COL9A1: variants seen among roughly 807,000 people sequenced by gnomAD.
COL9A1 encodes the protein collagen alpha-1(IX) chain.
A neutral mutation model predicts 142.6 loss-of-function variants in COL9A1; 104 were observed. The ratio of observed to expected loss-of-function variants is 0.73; its 90% CI spans 0.62 to 0.86. The LOEUF is 0.86. Among genes scored for constraint, COL9A1 ranks in the 40% least tolerant of loss-of-function variants. COL9A1 has a pLI of 0.00. For missense variants in COL9A1, 1,210 were observed against 1,176.6 expected, an observed-to-expected ratio of 1.03 and a Z score of -0.42; for synonymous variants, 466 against 396.0, an observed-to-expected ratio of 1.18 and a Z score of -2.10.
chr6:70,255,393 G>A lies in COL9A1; in HGVS notation c.1504-3C>T, dbSNP rs533952787. On this transcript the variant is annotated splice_polypyrimidine_tract_variant and splice_region_variant and intron_variant, in intron 21 of 37. Transcript: ENST00000357250. The stretch of plus-strand genomic sequence containing the variant: ...GGTCCTCGCTGTCCTTGATCACCCT[G>A]TATGAAAATAAAATTTTGTTAATAC... 2.4e-5 allele frequency: 39 copies of A among 1,613,854 alleles called. No homozygotes were observed. The South Asian group carries it at 2.7e-4, about 11-fold the overall frequency.
rs747511400 is a variant in COL9A1 at position 70,281,002 on chromosome 6, A to ACCGGGGGGC, written c.905_912+1dup. 27 of 1,613,504 alleles carry ACCGGGGGGC rather than the reference A, an allele frequency of 1.7e-5. No homozygotes were observed. Among genetic ancestry groups the ACCGGGGGGC allele is most frequent in the Admixed American group, 3.3e-5 (2 of 59,990 alleles). ...GAGCGCCATATGCTCCAATCAACTT[A>ACCGGGGGGC]CCGGGGGGCCCGGGGGGCCCTTAGG... On this transcript the variant is annotated splice_donor_variant, in intron 9 of 37. Transcript: ENST00000357250. LOFTEE classifies it high-confidence loss of function.
At chr6:70,278,643 T>C (rs1286386444) in intron 10 of COL9A1, among the ~76,000 whole-genome samples, 1 of 152,230 alleles carries the variant, frequency 6.6e-6, no homozygotes, top group African/African-American at 2.4e-5. Context: ...GTGCTCATCA[T>C]TTTTTCCTTG....
intron 20 of COL9A1, among the ~76,000 whole-genome samples, chr6:70,259,616 A>AATGCCACATCCTTCTT (rs1205314331): frequency 2.0e-5 from 3 of 152,058 alleles, no homozygotes; most frequent in Non-Finnish European, 4.4e-5. Flanking sequence ...ACATCCTTCT[A>AATGCCACATCCTTCTT]ATGCCACCTC....
At chr6:70,242,458 A>G (rs1770322566) in intron 29 of COL9A1, among the ~76,000 whole-genome samples, 1 of 152,232 alleles carries the variant, frequency 6.6e-6, no homozygotes, top group Non-Finnish European at 1.5e-5. Flanking sequence ...TTAAAAATGG[A>G]TGCTACAAAC....
At chr6:70,277,111 A>T (rs1380473082) in intron 10 of COL9A1, among the ~76,000 whole-genome samples, 2 of 152,176 alleles carry the variant, frequency 1.3e-5, no homozygotes, top group African/African-American at 4.8e-5. Flanking sequence ...CTGCCTGTAA[A>T]AATTATCACA....
In COL9A1 at chr6:70,294,260, A is replaced by G; in HGVS notation, c.603T>C (p.Ile201=). 6.2e-7 allele frequency: 1 copy of G among 1,614,102 alleles called. No homozygotes were observed. Among genetic ancestry groups the G allele is most frequent in the Non-Finnish European group, 8.5e-7 (1 of 1,179,960 alleles). The change falls in exon 5 of 38, where the codon ATT becomes ATC. Residue 201 remains isoleucine, a synonymous_variant. Coordinates refer to ENST00000357250, the MANE Select transcript of COL9A1 (RefSeq NM_001851.6). ...SATLFVDCNR[I]ESLPIKPRGP... is the part of the protein sequence containing the mutation. ...CTCTTGGCTTTATAGGTAAAGATTCAATCCTGTTGCAGTCAACAAAAAGAG... is the reference window on the plus strand; with the variant it reads ...CTCTTGGCTTTATAGGTAAAGATTCGATCCTGTTGCAGTCAACAAAAAGAG...
At chr6:70,217,493 A>G (rs1203426600) in intron 37 of COL9A1, among the ~76,000 whole-genome samples, 2 of 152,216 alleles carry the variant, frequency 1.3e-5, no homozygotes, top group South Asian at 2.1e-4. Context: ...TTTTGTGTCT[A>G]TTACATGATG....
intron 37 of COL9A1, among the ~76,000 whole-genome samples, chr6:70,222,171 TA>T (rs774347435): frequency 1.3e-5 from 2 of 151,950 alleles, no homozygotes; most frequent in African/African-American, 4.8e-5. Flanking sequence ...AAATATATTA[TA>T]AAAAAAGGGA....
intron 16 of COL9A1, 64 bp from the exon 17 acceptor site, chr6:70,268,924 G>T: frequency 7.2e-7 from 1 of 1,385,600 alleles, no homozygotes; most frequent in Non-Finnish European, 1.0e-6. Flanking sequence ...TAGGACTCCC[G>T]CTTTGTGACA....
At chr6:70,256,171 C>T (rs188323242) in intron 21 of COL9A1, among the ~76,000 whole-genome samples, 3 of 152,326 alleles carry the variant, frequency 2.0e-5, no homozygotes, top group African/African-American at 7.2e-5. Context: ...ACATGGATTA[C>T]ATCTATCCTG....
chr6:70,264,234 C>G (rs892873667), intron 18 of COL9A1, among the ~76,000 whole-genome samples: 1 of 151,914 alleles, frequency 6.6e-6, no homozygotes, highest in African/African-American at 2.4e-5. Context: ...AATGTTTACT[C>G]TTCCAAATAA....
intron 19 of COL9A1, among the ~76,000 whole-genome samples, chr6:70,262,647 A>C (rs1397771317): frequency 6.6e-6 from 1 of 152,228 alleles, no homozygotes; most frequent in Middle Eastern, 3.2e-3. Context: ...TAACAACTCC[A>C]TTTTAATGTA....
chr6:70,256,917 AAGG>A, intron 20 of COL9A1, 96 bp from the exon 21 acceptor site: 1 of 1,207,132 alleles, frequency 8.3e-7, no homozygotes. Flanking sequence ...GCCAGATGAA[AAGG>A]AGGTTTTGTG....
At chr6:70,247,303 G>C (rs1770665803) in intron 28 of COL9A1, among the ~76,000 whole-genome samples, 1 of 152,102 alleles carries the variant, frequency 6.6e-6, no homozygotes, top group African/African-American at 2.4e-5. Flanking sequence ...CAAGTTGGAG[G>C]TTTTCCTTTT....
rs1181396673 is a variant in COL9A1, at chr6:70,216,202, A to C, written c.*695T>G. Reference sequence around the variant, plus strand: ...AACCTTTAAAATAAATAATCTCATCAATAAAATTTATGAATGCCAGAGTAT... The same window carrying C: ...AACCTTTAAAATAAATAATCTCATCCATAAAATTTATGAATGCCAGAGTAT... On this transcript the variant is annotated 3_prime_UTR_variant, in exon 38 of 38. Transcript: ENST00000357250. 1 of 152,660 alleles carries C rather than the reference A, an allele frequency of 6.6e-6. No individual in the cohort carries two copies. The highest frequency in any genetic ancestry group is 2.4e-5 in the African/African-American group (1 of 41,452). The allele number at this position is 152,660 out of a possible 1,614,324, so 9.5% of individuals were successfully genotyped here. A position where few individuals can be genotyped will look rare whatever the true frequency, so the allele number is the denominator to read the frequency against.
At chr6:70,260,156 G>C (rs1035349695) in intron 20 of COL9A1, among the ~76,000 whole-genome samples, 1 of 152,102 alleles carries the variant, frequency 6.6e-6, no homozygotes, top group Non-Finnish European at 1.5e-5. Flanking sequence ...ATTAAGACAT[G>C]GCAAATATCA....
chr6:70,302,204 CTT>C lies in COL9A1; in HGVS notation c.15-132_15-131del, dbSNP rs202054376. ...TCACAGTATAGTTTTTTTTTCATTT[CTT>C]TTTTTTTTTTTTTTTTTTTTTGAGA... On this transcript the variant is annotated intron_variant, in intron 1 of 37. Coordinates refer to ENST00000357250, the MANE Select transcript of COL9A1 (RefSeq NM_001851.6). 42,404 of 331,780 alleles carry C rather than the reference CTT, an allele frequency of 0.13. 200 individuals are homozygous for C. The highest frequency in any genetic ancestry group is 0.18 in the East Asian group (3,381 of 18,556). The allele number at this position is 331,780 out of a possible 1,614,324, so 20.6% of individuals were successfully genotyped here. A position where few individuals can be genotyped will look rare whatever the true frequency, so the allele number is the denominator to read the frequency against.
Position 70,272,083 on chromosome 6 carries a change from A to G in COL9A1, c.1071T>C (p.Arg357=), listed in dbSNP as rs607156. 0.029 allele frequency: 47,240 copies of G among 1,611,098 alleles called. 2,406 individuals carry two copies. The highest frequency in any genetic ancestry group is 0.19 in the African/African-American group (14,278 of 74,744). Reference sequence around the variant, plus strand: ...TACTTACAGGGGGTCCAGGAATACCACGGCCCTAAAAGAGTACAATAAAAA... The same window carrying G: ...TACTTACAGGGGGTCCAGGAATACCGCGGCCCTAAAAGAGTACAATAAAAA... ...GVPGSRGFPG[R]GIPGPPGPPG... is the part of the protein sequence containing the mutation. Residue 357 remains arginine (R), a synonymous_variant, in exon 13 of 38, where the codon CGT becomes CGC. Transcript: ENST00000357250.
At chr6:70,298,227 C>G (rs995031859) in intron 4 of COL9A1, among the ~76,000 whole-genome samples, 3 of 152,162 alleles carry the variant, frequency 2.0e-5, no homozygotes, top group Admixed American at 6.6e-5. Flanking sequence ...AAACACTTAC[C>G]CAATACCAGT....
Sources: allele counts gnomAD v4.1 joint callset (sites outside exome capture counted in the v4.1 genomes callset), GRCh38; gene constraint gnomAD v4.1.1; transcripts MANE v1.5; gene names NCBI Gene and HGNC (gene_info 2026-07-23, HGNC 2026-07-21).